Variants in ATXN1 observed in about 807,000 individuals in gnomAD.
The protein encoded by ATXN1 is ataxin-1.
ATXN1 carries 8 observed loss-of-function variants against 56.4 expected under a neutral mutation model. The ratio of observed to expected loss-of-function variants is 0.14; its 90% confidence interval spans 0.08 to 0.26. The LOEUF (loss-of-function observed/expected upper bound fraction) is 0.26. Ranked by LOEUF, ATXN1 falls within the 10% of genes least tolerant of loss-of-function variation. The pLI is 1.00. For synonymous variants in ATXN1, 514 were observed against 494.6 expected (o/e 1.04, Z -0.52); for missense variants, 987 against 1,106.5 (o/e 0.89, Z 1.53).
intron 4 of ATXN1, among the ~76,000 whole-genome samples, chr6:16,547,749 G>T (rs1192765658): frequency 6.6e-6 from 1 of 152,156 alleles, no homozygotes; most frequent in Non-Finnish European, 1.5e-5. Context: ...AATAGCCTCA[G>T]AGGGAGGCTA....
chr6:16,701,543 T>G (rs763862853), intron 2 of ATXN1, among the ~76,000 whole-genome samples: 1 of 152,224 alleles, frequency 6.6e-6, no homozygotes, highest in Non-Finnish European at 1.5e-5. Flanking sequence ...GGAAGTCAAA[T>G]TGTCCCTGTT....
chr6:16,507,756 A>ACCT (rs1761007481), intron 5 of ATXN1, among the ~76,000 whole-genome samples: 2 of 152,178 alleles, frequency 1.3e-5, no homozygotes, highest in Non-Finnish European at 2.9e-5. Context: ...TATAACAGCC[A>ACCT]CCTAACAGAA....
At chr6:16,736,892 C>T (rs999330818) in intron 2 of ATXN1, 1 of 152,214 alleles carries the variant, frequency 6.6e-6, no homozygotes, top group African/African-American at 2.4e-5. Flanking sequence ...TTCTGCAGCA[C>T]ATAACAAGGC....
chr6:16,461,053 T>C (rs1490451702), intron 6 of ATXN1, among the ~76,000 whole-genome samples: 2 of 152,190 alleles, frequency 1.3e-5, no homozygotes, highest in Non-Finnish European at 2.9e-5. Context: ...GAGGTGGCAG[T>C]GTTACACTGC....
At chr6:16,572,194 A>C (rs1459526111) in intron 4 of ATXN1, among the ~76,000 whole-genome samples, 1 of 152,196 alleles carries the variant, frequency 6.6e-6, no homozygotes. Context: ...AGCAACTTCC[A>C]CTTACAATTA....
chr6:16,542,934 G>A (rs1346447598), intron 4 of ATXN1, among the ~76,000 whole-genome samples: 1 of 151,666 alleles, frequency 6.6e-6, no homozygotes, highest in Non-Finnish European at 1.5e-5. Context: ...ATATCTTATT[G>A]CATGGCACTC....
chr6:16,566,096 T>C (rs908032462), intron 4 of ATXN1, among the ~76,000 whole-genome samples: 1 of 151,650 alleles, frequency 6.6e-6, no homozygotes, highest in African/African-American at 2.4e-5. Flanking sequence ...GAGCAGATTA[T>C]AAAAGATTTA....
At chr6:16,709,591 G>C (rs1194537994) in intron 2 of ATXN1, among the ~76,000 whole-genome samples, 6 of 152,032 alleles carry the variant, frequency 3.9e-5, no homozygotes, top group Non-Finnish European at 8.8e-5. Flanking sequence ...TTCACACAAA[G>C]AGAACTCCAA....
At chr6:16,646,823 CT>C (rs1763805404) in intron 3 of ATXN1, among the ~76,000 whole-genome samples, 1 of 152,210 alleles carries the variant, frequency 6.6e-6, no homozygotes, top group African/African-American at 2.4e-5. Context: ...CATGTTTCCC[CT>C]AACAGTGTAA....
chr6:16,351,917 C>G (rs1475191554), intron 6 of ATXN1, among the ~76,000 whole-genome samples: 1 of 152,158 alleles, frequency 6.6e-6, no homozygotes, highest in Non-Finnish European at 1.5e-5. Flanking sequence ...TGAGGTCTCT[C>G]TTTCAGTATG....
In ATXN1 at chr6:16,327,870, C is replaced by G. The variant is rs1202195164; in HGVS notation, c.441G>C (p.Leu147=). 1 of 1,607,298 alleles carries G rather than the reference C, an allele frequency of 6.2e-7. No homozygotes were observed. The highest frequency in any genetic ancestry group is 8.5e-7 in the Non-Finnish European group (1 of 1,179,906). The stretch of plus-strand genomic sequence containing the variant: ...TGACGGGGTTGGCGGTTGGGGGGAT[C>G]AGCTGTGATGGGATGAAGCTGGCAT... The part of the protein sequence containing the change: ...GTYASFIPSQ[L]IPPTANPVTS... The change falls in exon 7 of 8, where the codon CTG becomes CTC. Residue 147 remains leucine, a synonymous_variant. Transcript: ENST00000436367.
intron 1 of ATXN1, among the ~76,000 whole-genome samples, chr6:16,758,005 G>C (rs1760940948): frequency 6.6e-6 from 1 of 152,040 alleles, no homozygotes; most frequent in Non-Finnish European, 1.5e-5. Flanking sequence ...TCTAGCTATA[G>C]GCCTCTATCG....
At chr6:16,562,459 AGGAGAGGAGAGGAG>A (rs1762139207) in intron 4 of ATXN1, among the ~76,000 whole-genome samples, 9 of 38,766 alleles carry the variant, frequency 2.3e-4, no homozygotes, top group Admixed American at 3.4e-4. Flanking sequence ...AGAAAAGGAG[AGGAGAGGAGAGGAG>A]AGGAGAGGAG....
chr6:16,616,534 T>G (rs566233818), intron 3 of ATXN1, among the ~76,000 whole-genome samples: 1 of 148,302 alleles, frequency 6.7e-6, no homozygotes, highest in South Asian at 2.1e-4. Context: ...AAGGAGACTG[T>G]GTCTCAAAAA....
chr6:16,567,073 C>A (rs1561758359), intron 4 of ATXN1, among the ~76,000 whole-genome samples: 1 of 152,168 alleles, frequency 6.6e-6, no homozygotes, highest in African/African-American at 2.4e-5. Context: ...ACTGATGTAG[C>A]CTTCCTTGTA....
chr6:16,694,275 C>T (rs1297532254), intron 2 of ATXN1, among the ~76,000 whole-genome samples: 14 of 123,720 alleles, frequency 1.1e-4, no homozygotes, highest in African/African-American at 3.9e-4. Flanking sequence ...TTTTAAGAGA[C>T]GGAGTCTCGC....
chr6:16,508,006 G>A (rs1238252436), intron 5 of ATXN1, among the ~76,000 whole-genome samples: 2 of 152,158 alleles, frequency 1.3e-5, no homozygotes, highest in Non-Finnish European at 2.9e-5. Context: ...TGACAATAAT[G>A]GTCCCCAATG....
At position 16,409,816 on chromosome 6, in the gene ATXN1, C is replaced by T. The variant is rs764326957; in HGVS notation, c.-161+76156G>A. Among the ~76,000 whole-genome samples the T allele has an allele frequency of 3.9e-5, 6 of 152,048 alleles. No individual in the cohort carries two copies. In the East Asian group the frequency reaches 5.8e-4, roughly 15 times the overall value. The stretch of plus-strand genomic sequence containing the variant: ...CCACAGCCTCACATGTCTTGGTTTG[C>T]GGCTTTTAAACAGCGAGTTCTAGAG... On this transcript the variant is annotated intron_variant, in intron 6 of 7. Transcript: ENST00000436367.
intron 2 of ATXN1, among the ~76,000 whole-genome samples, chr6:16,727,945 G>T (rs1175938803): frequency 6.6e-6 from 1 of 152,186 alleles, no homozygotes; most frequent in Non-Finnish European, 1.5e-5. Flanking sequence ...ATTCATTCGG[G>T]CCATACTTAT....
Sources: gnomAD v4.1 joint callset for allele counts (sites outside exome capture counted in the v4.1 genomes callset) on GRCh38, gnomAD v4.1.1 for gene constraint, MANE v1.5 for transcripts, NCBI Gene and HGNC (gene_info 2026-07-23, HGNC 2026-07-21) for gene names.